SGCZ: variants seen among roughly 807,000 people sequenced by gnomAD.
The protein encoded by SGCZ is zeta-sarcoglycan.
In SGCZ, 40 loss-of-function variants were observed where a neutral mutation model predicts 41.3. That is an observed-to-expected ratio of 0.97 (90% CI 0.75 to 1.26). The LOEUF (loss-of-function observed/expected upper bound fraction) is 1.26, where lower values mean the gene tolerates loss of function less well. Among genes scored for constraint, SGCZ ranks in the 50% most tolerant of loss-of-function variants. The pLI is 0.00. For missense variants in SGCZ, 552 were observed against 369.8 expected (o/e 1.49, Z -4.04); for synonymous variants, 206 against 137.5 (o/e 1.50, Z -3.49).
intron 2 of SGCZ, among the ~76,000 whole-genome samples, chr8:14,431,062 A>G (rs925580380): frequency 3.9e-5 from 6 of 152,204 alleles, no homozygotes; most frequent in African/African-American, 1.4e-4. Context: ...ATTGAAACAC[A>G]TCCCATGCTC....
At chr8:14,450,508 G>C (rs905809028) in intron 2 of SGCZ, among the ~76,000 whole-genome samples, 2 of 152,136 alleles carry the variant, frequency 1.3e-5, no homozygotes, top group African/African-American at 4.8e-5. Context: ...CTTATCGAGA[G>C]TGTTCCAGTA....
chr8:14,742,881 G>A (rs2244476), intron 1 of SGCZ, among the ~76,000 whole-genome samples: 69,811 of 151,818 alleles, frequency 0.46, 16,777 homozygotes, highest in Non-Finnish European at 0.54. Flanking sequence ...TTAGTAATAG[G>A]AATAAATATT....
At chr8:14,934,304 A>G (rs1195832575) in intron 1 of SGCZ, among the ~76,000 whole-genome samples, 1 of 152,034 alleles carries the variant, frequency 6.6e-6, no homozygotes, top group African/African-American at 2.4e-5. Flanking sequence ...TACTGTATAT[A>G]AAATATATGT....
At chr8:15,114,152 A>G (rs1807174953) in intron 1 of SGCZ, among the ~76,000 whole-genome samples, 1 of 152,204 alleles carries the variant, frequency 6.6e-6, no homozygotes, top group African/African-American at 2.4e-5. Context: ...CTTGCATCCG[A>G]ATATATTATT....
intron 1 of SGCZ, among the ~76,000 whole-genome samples, chr8:14,579,291 G>A (rs1804810504): frequency 6.6e-6 from 1 of 152,156 alleles, no homozygotes; most frequent in South Asian, 2.1e-4. Context: ...ATATGTTTAA[G>A]TATTTATAAA....
At chr8:15,014,066 G>A (rs760479520) in intron 1 of SGCZ, among the ~76,000 whole-genome samples, 1 of 152,184 alleles carries the variant, frequency 6.6e-6, no homozygotes, top group Non-Finnish European at 1.5e-5. Flanking sequence ...AATAAATGCT[G>A]TTTGTTTGCT....
At chr8:14,741,879 T>G (rs1441285694) in intron 1 of SGCZ, among the ~76,000 whole-genome samples, 2 of 143,324 alleles carry the variant, frequency 1.4e-5, no homozygotes, top group Admixed American at 1.4e-4. Context: ...TTTTAATAAC[T>G]CAATTTAATC....
chr8:14,763,039 C>T (rs560308214), intron 1 of SGCZ, among the ~76,000 whole-genome samples: 1 of 152,148 alleles, frequency 6.6e-6, no homozygotes, highest in Non-Finnish European at 1.5e-5. Flanking sequence ...ATACGTCCAA[C>T]ACAATAAGAA....
intron 1 of SGCZ, among the ~76,000 whole-genome samples, chr8:14,616,106 A>C (rs1195563259): frequency 6.6e-6 from 1 of 152,074 alleles, no homozygotes; most frequent in Admixed American, 6.6e-5. Flanking sequence ...ACACAGTGAA[A>C]CCTCATCTCT....
At chr8:14,594,248 G>C (rs1225705487) in intron 1 of SGCZ, among the ~76,000 whole-genome samples, 3 of 150,530 alleles carry the variant, frequency 2.0e-5, no homozygotes, top group Non-Finnish European at 4.4e-5. Context: ...AATACAAATG[G>C]CTGAACCCCG....
At chr8:14,502,302 T>C (rs899872052) in intron 2 of SGCZ, among the ~76,000 whole-genome samples, 2 of 152,134 alleles carry the variant, frequency 1.3e-5, no homozygotes, top group African/African-American at 4.8e-5. Flanking sequence ...TCAATAAAAA[T>C]GAAAAATAGA....
chr8:14,872,075 A>G (rs1585336526), intron 1 of SGCZ, among the ~76,000 whole-genome samples: 2 of 151,966 alleles, frequency 1.3e-5, no homozygotes, highest in Non-Finnish European at 2.9e-5. Flanking sequence ...GGAACAGAAA[A>G]CCAAACATTC....
chr8:14,537,973 C>G (rs1484068177), intron 2 of SGCZ, among the ~76,000 whole-genome samples: 1 of 151,918 alleles, frequency 6.6e-6, no homozygotes, highest in South Asian at 2.1e-4. Context: ...ATATTTTTAA[C>G]TGAGTCATAC....
chr8:14,174,470 G>C (rs1295547525), intron 4 of SGCZ, among the ~76,000 whole-genome samples: 1 of 151,958 alleles, frequency 6.6e-6, no homozygotes, highest in Non-Finnish European at 1.5e-5. Context: ...CTGACAGAGA[G>C]GAGACTGAAT....
intron 3 of SGCZ, among the ~76,000 whole-genome samples, chr8:14,245,189 C>T (rs1045167123): frequency 2.0e-5 from 3 of 152,152 alleles, no homozygotes; most frequent in African/African-American, 4.8e-5. Context: ...AAAGGGAATG[C>T]TTCCAGTTTT....
At chr8:14,601,108 T>C (rs973735723) in intron 1 of SGCZ, among the ~76,000 whole-genome samples, 3 of 151,352 alleles carry the variant, frequency 2.0e-5, no homozygotes, top group African/African-American at 4.8e-5. Context: ...TCATACTGTA[T>C]ATATCCCTTT....
At chr8:14,103,518 G>C (rs1802101186) in intron 6 of SGCZ, among the ~76,000 whole-genome samples, 1 of 152,142 alleles carries the variant, frequency 6.6e-6, no homozygotes, top group South Asian at 2.1e-4. Context: ...TTGTTTTGCA[G>C]AAAGAACCAC....
intron 5 of SGCZ, among the ~76,000 whole-genome samples, chr8:14,125,223 T>G (rs1192665030): frequency 6.6e-6 from 1 of 152,130 alleles, no homozygotes; most frequent in Admixed American, 6.5e-5. Flanking sequence ...GGCTCACGCC[T>G]GCAATCCCAG....
rs771243774 is a variant in SGCZ, at chr8:14,147,288, A to C, written c.547+17292T>G. 8.1e-4 allele frequency among the ~76,000 whole-genome samples: 123 copies of C among 152,230 alleles called. 1 individual carries two copies. Among genetic ancestry groups the C allele is most frequent in the South Asian group, 4.6e-3 (22 of 4,824 alleles). On this transcript the variant is annotated intron_variant, in intron 5 of 7. Transcript: ENST00000382080. ...AGTGACTGGCTGAATAAATGAAAAA[A>C]CAGGACCCAATGATCTATTGCCTCC...
Sources: allele counts gnomAD v4.1 joint callset (sites outside exome capture counted in the v4.1 genomes callset), GRCh38; gene constraint gnomAD v4.1.1; transcripts MANE v1.5; gene names NCBI Gene and HGNC (gene_info 2026-07-23, HGNC 2026-07-21).